The following GRIK1 variants were observed in gnomAD, a reference collection of about 807,000 sequenced individuals.
The protein encoded by GRIK1 is glutamate receptor ionotropic, kainate 1.
A neutral mutation model predicts 105.7 loss-of-function variants in GRIK1; 69 were observed. The ratio of observed to expected loss-of-function variants is 0.65; its 90% CI spans 0.54 to 0.80. The LOEUF (loss-of-function observed/expected upper bound fraction) is 0.80. Ranked by LOEUF, GRIK1 falls within the 30% of genes least tolerant of loss-of-function variation. The pLI is 0.00. For synonymous variants in GRIK1, 438 were observed against 431.3 expected (o/e 1.02, Z -0.19); for missense variants, 1,109 against 1,167.3 (o/e 0.95, Z 0.73).
rs147777629 is a variant in GRIK1, at chr21:29,924,858, T to C, written c.118+14525A>G. Among the ~76,000 whole-genome samples, 11 of 152,322 alleles carry C rather than the reference T, an allele frequency of 7.2e-5. No homozygotes were observed. In the East Asian group the frequency reaches 2.1e-3, roughly 29 times the overall value. ...ATTCTTACCTTCTAATGTTTATGGA[T>C]CTGGCTCTAAGTAGAAATGCACATT... On this transcript the variant is annotated intron_variant, in intron 1 of 17. Coordinates refer to ENST00000327783, the MANE Select transcript of GRIK1 (RefSeq NM_001330994.2).
chr21:29,632,512 TACACAC>T (rs5843396), intron 7 of GRIK1, among the ~76,000 whole-genome samples: 11 of 149,954 alleles, frequency 7.3e-5, no homozygotes, highest in African/African-American at 2.2e-4. Context: ...CAGACACAAA[TACACAC>T]ACACACACAC....
chr21:29,605,516 G>A (rs1027988576), intron 7 of GRIK1, among the ~76,000 whole-genome samples: 3 of 152,128 alleles, frequency 2.0e-5, no homozygotes, highest in African/African-American at 7.2e-5. Context: ...GAATCATGCT[G>A]CAATGAACAT....
At chr21:29,829,309 C>T (rs533787999) in intron 1 of GRIK1, among the ~76,000 whole-genome samples, 4 of 152,292 alleles carry the variant, frequency 2.6e-5, no homozygotes, top group South Asian at 2.1e-4. Context: ...GTATTACACT[C>T]TTCAAATTCT....
chr21:29,787,661 C>A (rs182753825), intron 1 of GRIK1, among the ~76,000 whole-genome samples: 11 of 152,162 alleles, frequency 7.2e-5, no homozygotes, highest in African/African-American at 2.7e-4. Context: ...GATTTTCCAA[C>A]GAACAGTATT....
chr21:29,778,660 A>G (rs939816164), intron 1 of GRIK1, among the ~76,000 whole-genome samples: 2 of 152,210 alleles, frequency 1.3e-5, no homozygotes, highest in Admixed American at 6.5e-5. Context: ...CAAGAATGCA[A>G]TCTGTTGGCC....
intron 1 of GRIK1, among the ~76,000 whole-genome samples, chr21:29,835,448 CTTTT>C (rs2067769023): frequency 6.6e-6 from 1 of 152,128 alleles, no homozygotes; most frequent in Non-Finnish European, 1.5e-5. Flanking sequence ...TTCTCACATG[CTTTT>C]ATATTGCTCT....
intron 1 of GRIK1, among the ~76,000 whole-genome samples, chr21:29,923,568 T>G (rs1304456050): frequency 6.6e-6 from 1 of 152,126 alleles, no homozygotes; most frequent in East Asian, 1.9e-4. Flanking sequence ...GGCAAGAAAT[T>G]GAACAAAAGT....
At position 29,773,825 on chromosome 21, in the gene GRIK1, G is replaced by C. The variant is rs902414113; in HGVS notation, c.119-79762C>G. 2.0e-5 allele frequency among the ~76,000 whole-genome samples: 3 copies of C among 152,108 alleles called. No individual in the cohort carries two copies. In the South Asian group the frequency reaches 6.2e-4, roughly 32 times the overall value. On this transcript the variant is annotated intron_variant, in intron 1 of 17. Transcript: ENST00000327783. ...CACAGGGGCTTGCATGTATTTTGTG[G>C]AAAAATCTGTCATAAACTAAGGCAA... is the stretch of plus-strand genomic sequence containing the variant.
intron 6 of GRIK1, among the ~76,000 whole-genome samples, chr21:29,643,956 C>A (rs953620118): frequency 6.6e-6 from 1 of 152,076 alleles, no homozygotes; most frequent in Non-Finnish European, 1.5e-5. Flanking sequence ...ACCACATACA[C>A]AATCATAGTG....
chr21:29,549,197 C>G (rs1001343512), intron 16 of GRIK1, among the ~76,000 whole-genome samples: 1 of 152,182 alleles, frequency 6.6e-6, no homozygotes, highest in South Asian at 2.1e-4. Context: ...GTATAATCCA[C>G]AGACAATCTG....
At chr21:29,626,950 T>G (rs2062145713) in intron 7 of GRIK1, among the ~76,000 whole-genome samples, 1 of 152,194 alleles carries the variant, frequency 6.6e-6, no homozygotes, top group Admixed American at 6.5e-5. Context: ...GTTTTGCAGT[T>G]GTAAGAGGGC....
chr21:29,895,200 C>T (rs1182073786), intron 1 of GRIK1, among the ~76,000 whole-genome samples: 2 of 152,146 alleles, frequency 1.3e-5, no homozygotes, highest in Non-Finnish European at 2.9e-5. Context: ...GTGTGGTCAA[C>T]TCAGTGGATG....
intron 1 of GRIK1, among the ~76,000 whole-genome samples, chr21:29,879,016 G>T (rs1035002829): frequency 6.6e-6 from 1 of 152,072 alleles, no homozygotes; most frequent in African/African-American, 2.4e-5. Context: ...ATAGCAGCTC[G>T]ATTAACTAAG....
At chr21:29,881,188 C>T (rs1343524408) in intron 1 of GRIK1, among the ~76,000 whole-genome samples, 1 of 152,100 alleles carries the variant, frequency 6.6e-6, no homozygotes, top group Non-Finnish European at 1.5e-5. Context: ...GTTTTGCTAG[C>T]ACTTTCCCTC....
At chr21:29,579,073 A>G (rs363488) in intron 13 of GRIK1, among the ~76,000 whole-genome samples, 5,761 of 152,272 alleles carry the variant, frequency 0.038, 360 homozygotes, top group African/African-American at 0.13. Context: ...ACAGGTGAAC[A>G]ACAGGCTGTT....
At chr21:29,693,575 G>A (rs1029565834) in intron 2 of GRIK1, among the ~76,000 whole-genome samples, 20 of 152,058 alleles carry the variant, frequency 1.3e-4, no homozygotes, top group African/African-American at 4.1e-4. Flanking sequence ...TGACTGCACC[G>A]CACGATTTCA....
Position 29,689,732 on chromosome 21 carries a change from G to A in GRIK1, c.540C>T (p.Ser180=). 1.2e-6 allele frequency: 2 copies of A among 1,613,780 alleles called. No homozygotes were observed. Among genetic ancestry groups the A allele is most frequent in the Non-Finnish European group, 1.7e-6 (2 of 1,179,712 alleles). The change falls in exon 3 of 18, where the codon AGC becomes AGT. Residue 180 remains serine, a synonymous_variant. Transcript: ENST00000327783. ...GGTCTTGTGTGAGTCCCATACCTGT[G>A]CTGTCTTCATACACCACTGTCACTG... is the stretch of plus-strand genomic sequence containing the variant. The part of the protein sequence containing the change: ...WKTVTVVYED[S]TGLIRLQELI...
intron 9 of GRIK1, 33 bp from the exon 10 acceptor site, chr21:29,591,258 G>T: frequency 8.0e-7 from 1 of 1,257,516 alleles, no homozygotes; most frequent in Non-Finnish European, 1.2e-6. Flanking sequence ...GAGGCTGCTG[G>T]CTGTCAGTGT....
At chr21:29,562,187 T>C (rs1436824035) in intron 14 of GRIK1, among the ~76,000 whole-genome samples, 2 of 152,202 alleles carry the variant, frequency 1.3e-5, no homozygotes, top group East Asian at 1.9e-4. Context: ...GGTATTGTTT[T>C]GCTGTTTCCA....
Sources: gnomAD v4.1 joint callset for allele counts (sites outside exome capture counted in the v4.1 genomes callset) on GRCh38, gnomAD v4.1.1 for gene constraint, MANE v1.5 for transcripts, NCBI Gene and HGNC (gene_info 2026-07-23, HGNC 2026-07-21) for gene names.